Variants in MYADM observed in about 807,000 individuals in gnomAD.
The protein encoded by MYADM is myeloid-associated differentiation marker.
For missense variants in MYADM, 416 were observed against 443.4 expected, an observed-to-expected ratio of 0.94 and a Z score of 0.56; for synonymous variants, 224 against 210.2, an observed-to-expected ratio of 1.07 and a Z score of -0.57.
chr19:53,874,862 G>C lies in MYADM; in HGVS notation c.*364G>C. 6.1e-6 allele frequency: 1 copy of C among 164,408 alleles called. No homozygotes were observed. Among genetic ancestry groups the C allele is most frequent in the Non-Finnish European group, 1.4e-5 (1 of 72,518 alleles). 10.2% of individuals were successfully genotyped at this position (164,408 alleles called of 1,614,324 possible). ...GCGATCTCGACTCACTGCAACCCCC[G>C]CCTCCTGGGTTCAAGCGATTCTCCT... On this transcript the variant is annotated 3_prime_UTR_variant, in exon 3 of 3. Transcript: ENST00000391770.
Position 53,874,531 on chromosome 19 carries a change from A to G in MYADM, c.*33A>G, listed in dbSNP as rs575741725. ...CCAAGAGGCTCCCGTTCCCTCTCCAACCTCTTTGTTCTTCTTGCCCGAGTT... is the reference window on the plus strand; with the variant it reads ...CCAAGAGGCTCCCGTTCCCTCTCCAGCCTCTTTGTTCTTCTTGCCCGAGTT... On this transcript the variant is annotated 3_prime_UTR_variant, in exon 3 of 3. Coordinates refer to ENST00000391770, the MANE Select transcript of MYADM (RefSeq NM_138373.5). 24 of 1,524,326 alleles carry G rather than the reference A, an allele frequency of 1.6e-5. No individual in the cohort carries two copies. The African/African-American group carries it at 3.2e-4, about 21-fold the overall frequency. The allele number at this position is 1,524,326 out of a possible 1,614,324, so 94.4% of individuals were successfully genotyped here.
In MYADM at chr19:53,875,401, C is replaced by T. The variant is rs1302665097; in HGVS notation, c.*903C>T. On this transcript the variant is annotated 3_prime_UTR_variant, in exon 3 of 3. Coordinates refer to ENST00000391770, the MANE Select transcript of MYADM (RefSeq NM_138373.5). ...AAGCACCGACCCTGGGTCCCTAGGC[C>T]CCGCCTGGCACTCAGCCTTGCCAGA... The T allele has an allele frequency of 1.2e-5, 2 of 166,830 alleles. No individual in the cohort carries two copies. Among genetic ancestry groups the T allele is most frequent in the Non-Finnish European group, 2.9e-5 (2 of 68,096 alleles). The allele number at this position is 166,830 out of a possible 1,614,324, so 10.3% of individuals were successfully genotyped here.
Position 53,873,918 on chromosome 19 carries a change from A to G in MYADM, c.389A>G (p.His130Arg), listed in dbSNP as rs575762816. The change falls in exon 3 of 3, where the codon CAC becomes CGC. Residue 130 changes from histidine (H) to arginine (R), a missense_variant. His to Arg is a conservative substitution (Grantham distance 29). Transcript: ENST00000391770. This position sits in a 1 kb window ranked among gnomAD's most constrained non-coding sequence, Gnocchi z 4.3. ...YPTTYVQFLS[H>R]GRSRDHAIAA... is the part of the protein sequence containing the mutation. The stretch of plus-strand genomic sequence containing the variant: ...ACCACCTATGTCCAGTTCCTGTCCC[A>G]CGGCCGTTCGCGGGACCACGCCATC... 5.7e-5 allele frequency: 92 copies of G among 1,612,058 alleles called. No homozygotes were observed. In the South Asian group the frequency reaches 9.3e-4, roughly 16 times the overall value.
At position 53,874,123 on chromosome 19, in the gene MYADM, G is replaced by A; in HGVS notation, c.594G>A (p.Gln198=). The part of the protein sequence containing the change: ...FAFISDPNLY[Q]HQPALEWCVA... Reference sequence around the variant, plus strand: ...TCATCAGCGACCCCAACCTGTACCAGCACCAGCCGGCCCTGGAGTGGTGCG... The same window carrying A: ...TCATCAGCGACCCCAACCTGTACCAACACCAGCCGGCCCTGGAGTGGTGCG... Residue 198 remains glutamine, a synonymous_variant, in exon 3 of 3, where the codon CAG becomes CAA. Coordinates refer to ENST00000391770, the MANE Select transcript of MYADM (RefSeq NM_138373.5). 6.2e-7 allele frequency: 1 copy of A among 1,613,138 alleles called. No homozygotes were observed. The highest frequency in any genetic ancestry group is 8.5e-7 in the Non-Finnish European group (1 of 1,180,038).
rs1438440073 is a variant in MYADM, at chr19:53,874,044, T to C, written c.515T>C (p.Val172Ala). 10 of 1,609,532 alleles carry C rather than the reference T, an allele frequency of 6.2e-6. No homozygotes were observed. In the Admixed American group the frequency reaches 1.0e-4, roughly 16 times the overall value. ...PGEITGYMAT[V>A]PGLLKVLETF... ...GAGATCACTGGCTATATGGCCACCG[T>C]ACCCGGGCTGCTGAAGGTGCTGGAG... Residue 172 changes from valine to alanine, a missense_variant, in exon 3 of 3, where the codon GTA (valine) becomes GCA (alanine). By Grantham distance (64) the Val-to-Ala change is moderately conservative. Coordinates refer to ENST00000391770, the MANE Select transcript of MYADM (RefSeq NM_138373.5).
At chr19:53,870,263 G>A (rs1482428868) in intron 2 of MYADM, among the ~76,000 whole-genome samples, 1 of 118,986 alleles carries the variant, frequency 8.4e-6, no homozygotes, top group Non-Finnish European at 1.7e-5. Flanking sequence ...GAGGGGCTGG[G>A]GGCCTGGACT....
rs1427838911 is a variant in MYADM at position 53,874,514 on chromosome 19, C to T, written c.*16C>T. On this transcript the variant is annotated 3_prime_UTR_variant, in exon 3 of 3. Transcript: ENST00000391770. Reference sequence around the variant, plus strand: ...CAAGGTCTAAGACTCTCCCAAGAGGCTCCCGTTCCCTCTCCAACCTCTTTG... The same window carrying T: ...CAAGGTCTAAGACTCTCCCAAGAGGTTCCCGTTCCCTCTCCAACCTCTTTG... 2.6e-6 allele frequency: 4 copies of T among 1,560,344 alleles called. No homozygotes were observed. Among genetic ancestry groups the T allele is most frequent in the South Asian group, 2.4e-5 (2 of 84,378 alleles).
chr19:53,867,717 T>G (rs966108782), upstream of MYADM, among the ~76,000 whole-genome samples: 3 of 152,052 alleles, frequency 2.0e-5, no homozygotes, highest in Admixed American at 1.3e-4. Context: ...CTACTTTTAC[T>G]CTGGGGGGCG....
In MYADM at chr19:53,873,900, A is replaced by G. The variant is rs1340085453; in HGVS notation, c.371A>G (p.Tyr124Cys). The G allele has an allele frequency of 1.2e-6, 2 of 1,612,660 alleles. No homozygotes were observed. The highest frequency in any genetic ancestry group is 2.2e-5 in the East Asian group (1 of 44,838). The change falls in exon 3 of 3, where the codon TAT becomes TGT. Residue 124 changes from tyrosine (Y) to cysteine (C), a missense_variant. By Grantham distance (194) the Tyr-to-Cys change is radical. Coordinates refer to ENST00000391770, the MANE Select transcript of MYADM (RefSeq NM_138373.5). This position sits in a 1 kb window ranked among gnomAD's most constrained non-coding sequence, Gnocchi z 4.3. The stretch of plus-strand genomic sequence containing the variant: ...GCCTCCATCATCTACCCCACCACCT[A>G]TGTCCAGTTCCTGTCCCACGGCCGT... ...LSASIIYPTT[Y>C]VQFLSHGRSR...
chr19:53,871,285 G>A (rs2068381310), intron 2 of MYADM, among the ~76,000 whole-genome samples: 1 of 152,110 alleles, frequency 6.6e-6, no homozygotes, highest in East Asian at 1.9e-4. Context: ...TCAGTGGAAG[G>A]GCCTGGGGTT....
Position 53,873,375 on chromosome 19 carries a change from A to C in MYADM, c.-2-153A>C, listed in dbSNP as rs1356974440. ...CCACAGAGCAAGACTCTGTCTCAAA[A>C]AAAAAAAAAGAAAAGAAAACCGAAA... On this transcript the variant is annotated intron_variant, in intron 2 of 2. Coordinates refer to ENST00000391770, the MANE Select transcript of MYADM (RefSeq NM_138373.5). The surrounding 1 kb of genome is among the most constrained non-coding windows in gnomAD (Gnocchi z 4.3). Among the ~76,000 whole-genome samples, 1 of 151,806 alleles carries C rather than the reference A, an allele frequency of 6.6e-6. No individual in the cohort carries two copies. The highest frequency in any genetic ancestry group is 1.9e-4 in the East Asian group (1 of 5,194).
chr19:53,873,437 A>G lies in MYADM; in HGVS notation c.-2-91A>G, dbSNP rs1183244962. 4 of 1,372,728 alleles carry G rather than the reference A, an allele frequency of 2.9e-6. No individual in the cohort carries two copies. In the Admixed American group the frequency reaches 9.1e-5, roughly 31 times the overall value. 85.0% of individuals were successfully genotyped at this position (1,372,728 alleles called of 1,614,324 possible). A position where few individuals can be genotyped will look rare whatever the true frequency, so the allele number is the denominator to read the frequency against. ...TGGGAACTCCCTAATTAGAGCTCAT[A>G]TTAATTTGTCCCTGGGGTAGGCAAT... On this transcript the variant is annotated intron_variant, in intron 2 of 2. Coordinates refer to ENST00000391770, the MANE Select transcript of MYADM (RefSeq NM_138373.5). The surrounding 1 kb of genome is among the most constrained non-coding windows in gnomAD (Gnocchi z 4.3).
rs537814494 is a variant in MYADM at position 53,875,694 on chromosome 19, C to T, written c.*1196C>T. On this transcript the variant is annotated 3_prime_UTR_variant, in exon 3 of 3. Transcript: ENST00000391770. ...TGAAAGCATGTCTCTATTAAAAATA[C>T]AAAAATTAGCCGGGCGTGGTGGCGG... The T allele has an allele frequency of 6.3e-4, 96 of 153,522 alleles. 1 individual carries two copies. Among genetic ancestry groups the T allele is most frequent in the Non-Finnish European group, 5.0e-4 (34 of 67,812 alleles). 9.5% of individuals were successfully genotyped at this position (153,522 alleles called of 1,614,324 possible).
In MYADM at chr19:53,874,744, C is replaced by T; in HGVS notation, c.*246C>T. 5.0e-6 allele frequency: 2 copies of T among 400,672 alleles called. No homozygotes were observed. The highest frequency in any genetic ancestry group is 9.1e-6 in the Non-Finnish European group (2 of 218,746). The allele number at this position is 400,672 out of a possible 1,614,324, so 24.8% of individuals were successfully genotyped here. A position where few individuals can be genotyped will look rare whatever the true frequency, so the allele number is the denominator to read the frequency against. On this transcript the variant is annotated 3_prime_UTR_variant, in exon 3 of 3. Transcript: ENST00000391770. Reference sequence around the variant, plus strand: ...TTTTGTTGCCCACATCCTGTTTTCACCCCTGAGCTGTTTCTCTTTTTCTTT... The same window carrying T: ...TTTTGTTGCCCACATCCTGTTTTCATCCCTGAGCTGTTTCTCTTTTTCTTT...
Position 53,868,451 on chromosome 19 carries a change from G to A in MYADM, c.-88+508G>A, listed in dbSNP as rs1321094827. ...CTGGGTTTGGGAATGAGAATGGAAGGAATTCAGAATTACTGACCCCTCCCC... is the reference window on the plus strand; with the variant it reads ...CTGGGTTTGGGAATGAGAATGGAAGAAATTCAGAATTACTGACCCCTCCCC... On this transcript the variant is annotated intron_variant, in intron 1 of 2. Coordinates refer to ENST00000391770, the MANE Select transcript of MYADM (RefSeq NM_138373.5). The surrounding 1 kb of genome is among the most constrained non-coding windows in gnomAD (Gnocchi z 6.3). Among the ~76,000 whole-genome samples, 3 of 152,040 alleles carry A rather than the reference G, an allele frequency of 2.0e-5. No individual in the cohort carries two copies. Among genetic ancestry groups the A allele is most frequent in the African/African-American group, 7.3e-5 (3 of 41,370 alleles).
At position 53,874,534 on chromosome 19, in the gene MYADM, T is replaced by C; in HGVS notation, c.*36T>C. On this transcript the variant is annotated 3_prime_UTR_variant, in exon 3 of 3. Coordinates refer to ENST00000391770, the MANE Select transcript of MYADM (RefSeq NM_138373.5). ...AGAGGCTCCCGTTCCCTCTCCAACC[T>C]CTTTGTTCTTCTTGCCCGAGTTTTC... is the stretch of plus-strand genomic sequence containing the variant. The C allele has an allele frequency of 6.6e-7, 1 of 1,523,754 alleles. No individual in the cohort carries two copies. The highest frequency in any genetic ancestry group is 2.3e-5 in the Admixed American group (1 of 44,388). The allele number at this position is 1,523,754 out of a possible 1,614,324, so 94.4% of individuals were successfully genotyped here. A position where few individuals can be genotyped will look rare whatever the true frequency, so the allele number is the denominator to read the frequency against.
chr19:53,874,201 C>A lies in MYADM; in HGVS notation c.672C>A (p.Asn224Lys). ...FILAAIAILL[N>K]LGECTNVLPI... ...TAGCGGCCATCGCCATCCTGCTGAA[C>A]CTGGGGGAGTGCACCAACGTGCTAC... The change falls in exon 3 of 3, where the codon AAC becomes AAA. Residue 224 changes from asparagine (N) to lysine (K), a missense_variant. Asn to Lys is a moderately conservative substitution (Grantham distance 94). Transcript: ENST00000391770. The A allele has an allele frequency of 6.2e-7, 1 of 1,613,834 alleles. No individual in the cohort carries two copies. The highest frequency in any genetic ancestry group is 1.1e-5 in the South Asian group (1 of 91,064).
rs769445240 is a variant in MYADM at position 53,876,107 on chromosome 19, C to T, written c.*1609C>T. 2 of 166,744 alleles carry T rather than the reference C, an allele frequency of 1.2e-5. No homozygotes were observed. Among genetic ancestry groups the T allele is most frequent in the Non-Finnish European group, 2.9e-5 (2 of 68,066 alleles). 10.3% of individuals were successfully genotyped at this position (166,744 alleles called of 1,614,324 possible). ...AGAGGGAAGTTTGTTTTCAGCTGTT[C>T]TCTTTTGCCCGTAGGTGGGAGGGTG... On this transcript the variant is annotated 3_prime_UTR_variant, in exon 3 of 3. Transcript: ENST00000391770.
At position 53,868,841 on chromosome 19, in the gene MYADM, G is replaced by GCCCCC. The variant is rs2068295446; in HGVS notation, c.-88+898_-88+899insCCCCC. 2.0e-5 allele frequency: 3 copies of GCCCCC among 146,456 alleles called. No homozygotes were observed. Among genetic ancestry groups the GCCCCC allele is most frequent in the Admixed American group, 6.7e-5 (1 of 14,946 alleles). The allele number at this position is 146,456 out of a possible 1,614,324, so 9.1% of individuals were successfully genotyped here. ...GGCTGGAGGCCCTAAGGGCGGGGTG[G>GCCCCC]ACCCCTCCCCTCCCCTCCCCTCGGC... On this transcript the variant is annotated intron_variant, in intron 1 of 2. Coordinates refer to ENST00000391770, the MANE Select transcript of MYADM (RefSeq NM_138373.5). This position sits in a 1 kb window ranked among gnomAD's most constrained non-coding sequence, Gnocchi z 6.3.
Sources: allele counts gnomAD v4.1 joint callset (sites outside exome capture counted in the v4.1 genomes callset), GRCh38; gene constraint gnomAD v4.1.1; non-coding constraint Gnocchi (gnomAD v3.1); transcripts MANE v1.5; gene names NCBI Gene and HGNC (gene_info 2026-07-23, HGNC 2026-07-21).